PRKN: variants seen among roughly 807,000 people sequenced by gnomAD.
PRKN encodes the protein parkin RBR E3 ubiquitin protein ligase, also known as E3 ubiquitin-protein ligase parkin.
PRKN carries 56 observed loss-of-function variants against 59.5 expected under a neutral mutation model. The observed-to-expected ratio is 0.94, with a 90% CI of 0.76 to 1.18. The LOEUF (loss-of-function observed/expected upper bound fraction) is 1.18, where lower values mean the gene tolerates loss of function less well. Ranked by LOEUF, PRKN falls within the 50% of genes most tolerant of loss-of-function variation. PRKN has a pLI of 0.00. For synonymous variants in PRKN, 250 were observed against 222.1 expected (o/e 1.13, Z -1.12); for missense variants, 657 against 596.4 (o/e 1.10, Z -1.06).
intron 6 of PRKN, among the ~76,000 whole-genome samples, chr6:161,866,586 G>C (rs1794121371): frequency 6.6e-6 from 1 of 151,886 alleles, no homozygotes; most frequent in Non-Finnish European, 1.5e-5. Flanking sequence ...AAAAAGAAAA[G>C]AAAAGAAAAG....
chr6:161,350,292 C>T, intron 11 of PRKN, 81 bp from the exon 12 acceptor site: 1 of 875,298 alleles, frequency 1.1e-6, no homozygotes, highest in Non-Finnish European at 1.9e-6. Flanking sequence ...AGCACGCTAG[C>T]CTAGACATCA....
At chr6:161,884,824 A>T (rs1238796333) in intron 6 of PRKN, among the ~76,000 whole-genome samples, 1 of 152,152 alleles carries the variant, frequency 6.6e-6, no homozygotes, top group African/African-American at 2.4e-5. Flanking sequence ...AGGGTCAGCA[A>T]ACATTTTATA....
At chr6:162,244,492 A>G (rs894175261) in intron 3 of PRKN, among the ~76,000 whole-genome samples, 3 of 152,124 alleles carry the variant, frequency 2.0e-5, no homozygotes, top group African/African-American at 7.2e-5. Flanking sequence ...TCAAATTATT[A>G]TATAAAGTTT....
At position 161,400,031 on chromosome 6, in the gene PRKN, A is replaced by C. The variant is rs905632095; in HGVS notation, c.1084-13154T>G. Among the ~76,000 whole-genome samples the C allele has an allele frequency of 6.6e-6, 1 of 152,156 alleles. No homozygotes were observed. Among genetic ancestry groups the C allele is most frequent in the Non-Finnish European group, 1.5e-5 (1 of 68,048 alleles). On this transcript the variant is annotated intron_variant, in intron 9 of 11. Coordinates refer to ENST00000366898, the MANE Select transcript of PRKN (RefSeq NM_004562.3). The surrounding 1 kb of genome is among the most constrained non-coding windows in gnomAD (Gnocchi z 4.2). ...GAATCGGGTCTGCTTTTACTCTTTC[A>C]ATGCATCTCAGTTGGGACTAGCCCT...
At chr6:161,614,412 C>G (rs1010455996) in intron 7 of PRKN, among the ~76,000 whole-genome samples, 1 of 152,182 alleles carries the variant, frequency 6.6e-6, no homozygotes, top group Non-Finnish European at 1.5e-5. Flanking sequence ...AGATTTGAGA[C>G]AAACATAATT....
chr6:162,632,464 C>A (rs1043577744), intron 1 of PRKN, among the ~76,000 whole-genome samples: 3 of 151,982 alleles, frequency 2.0e-5, no homozygotes, highest in African/African-American at 4.8e-5. Flanking sequence ...ATTGAACACA[C>A]CTGGACATAA....
At chr6:162,049,024 T>A (rs1777507368) in intron 5 of PRKN, among the ~76,000 whole-genome samples, 1 of 152,144 alleles carries the variant, frequency 6.6e-6, no homozygotes, top group Admixed American at 6.6e-5. Flanking sequence ...GTATGCTCCC[T>A]CCTAAAATAA....
At chr6:161,543,457 A>G (rs1396597455) in intron 9 of PRKN, among the ~76,000 whole-genome samples, 1 of 152,226 alleles carries the variant, frequency 6.6e-6, no homozygotes, top group Non-Finnish European at 1.5e-5. Context: ...GAAAGGGTCC[A>G]TGCAAGTGAG....
At chr6:162,151,129 C>T (rs867005383) in intron 4 of PRKN, among the ~76,000 whole-genome samples, 1 of 152,130 alleles carries the variant, frequency 6.6e-6, no homozygotes, top group East Asian at 1.9e-4. Flanking sequence ...AATGTAAGAA[C>T]TGAAGATGAT....
chr6:162,723,536 C>G (rs534728409), intron 1 of PRKN, among the ~76,000 whole-genome samples: 1 of 152,222 alleles, frequency 6.6e-6, no homozygotes, highest in East Asian at 1.9e-4. Flanking sequence ...TCAGGAAGGA[C>G]GTCTTTTGGC....
At chr6:162,478,110 T>C (rs989591354) in intron 1 of PRKN, among the ~76,000 whole-genome samples, 4 of 152,108 alleles carry the variant, frequency 2.6e-5, no homozygotes, top group African/African-American at 4.8e-5. Flanking sequence ...GTCTCCCATA[T>C]AGGAGACATT....
At chr6:162,523,780 G>A (rs949052850) in intron 1 of PRKN, among the ~76,000 whole-genome samples, 2 of 152,122 alleles carry the variant, frequency 1.3e-5, no homozygotes, top group Admixed American at 1.3e-4. Context: ...ACTTCGGGAG[G>A]CTGAGGTGGG....
intron 3 of PRKN, among the ~76,000 whole-genome samples, chr6:162,204,380 G>A (rs1784849989): frequency 1.3e-5 from 2 of 152,180 alleles, no homozygotes; most frequent in South Asian, 4.1e-4. Context: ...AAAGGATGAA[G>A]CACAGGACAT....
At chr6:162,040,572 A>ATTTTTT (rs35272845) in intron 5 of PRKN, among the ~76,000 whole-genome samples, 2 of 113,080 alleles carry the variant, frequency 1.8e-5, no homozygotes, top group African/African-American at 3.4e-5. Flanking sequence ...ATGCCCGGCT[A>ATTTTTT]TTTTTTTTTT....
intron 1 of PRKN, among the ~76,000 whole-genome samples, chr6:162,460,554 G>T (rs567219793): frequency 6.6e-6 from 1 of 152,076 alleles, no homozygotes; most frequent in Non-Finnish European, 1.5e-5. Context: ...TATCTCCTCC[G>T]CTGTCCCTCC....
chr6:162,424,094 A>G (rs1221249952), intron 2 of PRKN, among the ~76,000 whole-genome samples: 1 of 152,194 alleles, frequency 6.6e-6, no homozygotes, highest in Non-Finnish European at 1.5e-5. Context: ...ATATGTGACC[A>G]AGCCATGAAA....
At chr6:162,681,792 G>T (rs375070522) in intron 1 of PRKN, among the ~76,000 whole-genome samples, 1 of 151,964 alleles carries the variant, frequency 6.6e-6, no homozygotes, top group Non-Finnish European at 1.5e-5. Context: ...AAACCTCTAG[G>T]GGGTATTTGG....
intron 2 of PRKN, among the ~76,000 whole-genome samples, chr6:162,386,935 C>A (rs1334458987): frequency 3.3e-5 from 5 of 152,182 alleles, no homozygotes; most frequent in African/African-American, 4.8e-5. Context: ...ATTCAATTAT[C>A]TCCCCAAGGC....
intron 2 of PRKN, among the ~76,000 whole-genome samples, chr6:162,369,101 T>C (rs1785611312): frequency 1.3e-5 from 2 of 152,180 alleles, no homozygotes; most frequent in African/African-American, 2.4e-5. Context: ...AAAGGTGACA[T>C]ATAGTAAGTC....
Sources: gnomAD v4.1 joint callset for allele counts (sites outside exome capture counted in the v4.1 genomes callset) on GRCh38, gnomAD v4.1.1 for gene constraint, Gnocchi (gnomAD v3.1) non-coding constraint, MANE v1.5 for transcripts, NCBI Gene and HGNC (gene_info 2026-07-23, HGNC 2026-07-21) for gene names.